PRKN: variants seen among roughly 807,000 people sequenced by gnomAD.
PRKN encodes the protein E3 ubiquitin-protein ligase parkin.
In PRKN, 56 loss-of-function variants were observed where a neutral mutation model predicts 59.5. That is an observed-to-expected ratio of 0.94 (90% CI 0.76 to 1.18). PRKN has a LOEUF of 1.18. Ranked by LOEUF, PRKN falls within the 50% of genes most tolerant of loss-of-function variation. The probability of loss-of-function intolerance (pLI) is 0.00; values close to 1 mark genes in which losing one functional copy is unlikely to be tolerated. For missense variants in PRKN, 657 were observed against 596.4 expected, an observed-to-expected ratio of 1.10 and a Z score of -1.06; for synonymous variants, 250 against 222.1, an observed-to-expected ratio of 1.13 and a Z score of -1.12.
chr6:161,684,155 G>C (rs1052477114), intron 7 of PRKN, among the ~76,000 whole-genome samples: 15 of 152,056 alleles, frequency 9.9e-5, no homozygotes, highest in African/African-American at 3.6e-4. Context: ...CTTGAAAGTG[G>C]TCTAAGATTG....
At chr6:161,387,584 A>G (rs1418885905) in intron 9 of PRKN, among the ~76,000 whole-genome samples, 1 of 152,272 alleles carries the variant, frequency 6.6e-6, no homozygotes, top group Non-Finnish European at 1.5e-5. Flanking sequence ...GAATGTAAGG[A>G]AAAAACTTCA....
chr6:162,094,310 C>T (rs1779637165), intron 4 of PRKN, among the ~76,000 whole-genome samples: 1 of 151,832 alleles, frequency 6.6e-6, no homozygotes, highest in Non-Finnish European at 1.5e-5. Context: ...GGCAACAAAG[C>T]GAGAGCCCAT....
At chr6:162,616,465 A>C (rs1200971519) in intron 1 of PRKN, among the ~76,000 whole-genome samples, 3 of 152,198 alleles carry the variant, frequency 2.0e-5, no homozygotes, top group African/African-American at 7.2e-5. Context: ...ATTTATAAAA[A>C]GAATAAAACT....
intron 10 of PRKN, among the ~76,000 whole-genome samples, chr6:161,375,742 T>C (rs947278996): frequency 5.3e-5 from 8 of 152,230 alleles, no homozygotes; most frequent in Admixed American, 2.6e-4. Context: ...ACAAGCTGAG[T>C]GCCTTGGAAA....
intron 1 of PRKN, among the ~76,000 whole-genome samples, chr6:162,528,715 T>C (rs1778389992): frequency 6.6e-6 from 1 of 151,896 alleles, no homozygotes; most frequent in Non-Finnish European, 1.5e-5. Context: ...ATTCTACGAG[T>C]CCTGAAGTTT....
At chr6:162,232,558 T>C (rs1583236273) in intron 3 of PRKN, among the ~76,000 whole-genome samples, 2 of 152,212 alleles carry the variant, frequency 1.3e-5, no homozygotes, top group Non-Finnish European at 2.9e-5. Context: ...AGGCATATAA[T>C]GGAGCAGCCG....
Position 161,455,042 on chromosome 6 carries a change from G to GTT in PRKN, c.1084-68167_1084-68166dup, listed in dbSNP as rs756139399. ...GTCAGTTTGGTTTAATTTGACACGT[G>GTT]TTTTTTTTTTTTTTGAGATGGAGTC... is the stretch of plus-strand genomic sequence containing the variant. On this transcript the variant is annotated intron_variant, in intron 9 of 11. Coordinates refer to ENST00000366898, the MANE Select transcript of PRKN (RefSeq NM_004562.3). Among the ~76,000 whole-genome samples the GTT allele has an allele frequency of 1.5e-3, 215 of 141,514 alleles. 1 individual carries two copies. Among genetic ancestry groups the GTT allele is most frequent in the African/African-American group, 3.9e-3 (153 of 38,928 alleles). The allele number at this position is 141,514 out of a possible 152,430, so 92.8% of individuals were successfully genotyped here.
intron 2 of PRKN, among the ~76,000 whole-genome samples, chr6:162,358,874 A>G (rs1015383462): frequency 2.0e-5 from 3 of 151,896 alleles, no homozygotes; most frequent in African/African-American, 7.3e-5. Flanking sequence ...AGCCTGGCCA[A>G]CATGGTGAAA....
chr6:162,429,507 C>A (rs997315460), intron 2 of PRKN, among the ~76,000 whole-genome samples: 10 of 152,092 alleles, frequency 6.6e-5, no homozygotes, highest in Non-Finnish European at 1.2e-4. Context: ...CCTGGAGATT[C>A]TACCCGGATT....
At chr6:162,052,347 T>G (rs1053270984) in intron 5 of PRKN, among the ~76,000 whole-genome samples, 14 of 152,146 alleles carry the variant, frequency 9.2e-5, no homozygotes, top group Non-Finnish European at 2.1e-4. Context: ...TCGTTTTGTT[T>G]TGTTTTTTTA....
chr6:162,679,771 G>C (rs569469716), intron 1 of PRKN, among the ~76,000 whole-genome samples: 50 of 152,230 alleles, frequency 3.3e-4, no homozygotes, highest in African/African-American at 1.0e-3. Context: ...CAATACCAAG[G>C]AAGGAAAAAC....
rs188481008 is a variant in PRKN at position 162,128,671 on chromosome 6, T to C, written c.534+72460A>G. On this transcript the variant is annotated intron_variant, in intron 4 of 11. Coordinates refer to ENST00000366898, the MANE Select transcript of PRKN (RefSeq NM_004562.3). ...ATGTATACCTCCCAAAATTTATATA[T>C]GGAAACCTAATCCCCAATGTGATAG... Among the ~76,000 whole-genome samples the C allele has an allele frequency of 8.8e-4, 134 of 152,308 alleles. 1 individual carries two copies. Among genetic ancestry groups the C allele is most frequent in the African/African-American group, 3.1e-3 (127 of 41,582 alleles).
In PRKN at chr6:161,430,125, G is replaced by A. The variant is rs368483307; in HGVS notation, c.1084-43248C>T. Among the ~76,000 whole-genome samples, 221 of 152,282 alleles carry A rather than the reference G, an allele frequency of 1.5e-3. 2 individuals are homozygous for A. Among genetic ancestry groups the A allele is most frequent in the African/African-American group, 5.0e-3 (209 of 41,534 alleles). On this transcript the variant is annotated intron_variant, in intron 9 of 11. Transcript: ENST00000366898. Reference sequence around the variant, plus strand: ...ATCTGAGTCTTTTATAATGGGCCGTGAGCAGGACTGCCATTGTCAACAGAG... The same window carrying A: ...ATCTGAGTCTTTTATAATGGGCCGTAAGCAGGACTGCCATTGTCAACAGAG...
At chr6:162,257,829 C>G (rs1779709675) in intron 3 of PRKN, among the ~76,000 whole-genome samples, 1 of 152,140 alleles carries the variant, frequency 6.6e-6, no homozygotes, top group South Asian at 2.1e-4. Context: ...AGTTCCTTCA[C>G]AAGCAGCCAG....
intron 4 of PRKN, among the ~76,000 whole-genome samples, chr6:162,173,652 C>T (rs889354854): frequency 6.6e-6 from 1 of 151,852 alleles, no homozygotes; most frequent in African/African-American, 2.4e-5. Flanking sequence ...AATTTGATGC[C>T]CTCATTTCCT....
intron 4 of PRKN, among the ~76,000 whole-genome samples, chr6:162,059,567 A>C (rs1432478884): frequency 6.6e-6 from 1 of 152,242 alleles, no homozygotes; most frequent in African/African-American, 2.4e-5. Context: ...AAAGGTCTTC[A>C]GATTAAAAAG....
chr6:162,198,756 T>C (rs4127461), intron 4 of PRKN, among the ~76,000 whole-genome samples: 138,894 of 151,840 alleles, frequency 0.91, 63,580 homozygotes, highest in East Asian at 0.99. Context: ...CTGTGAGCAT[T>C]TCTTAGGCTC....
At chr6:162,107,396 T>G (rs1463283577) in intron 4 of PRKN, among the ~76,000 whole-genome samples, 1 of 151,766 alleles carries the variant, frequency 6.6e-6, no homozygotes, top group Non-Finnish European at 1.5e-5. Flanking sequence ...ACGCAGGAGG[T>G]GGAGGTTGCA....
At chr6:161,517,387 G>T (rs1778648057) in intron 9 of PRKN, among the ~76,000 whole-genome samples, 1 of 151,994 alleles carries the variant, frequency 6.6e-6, no homozygotes, top group African/African-American at 2.4e-5. Flanking sequence ...GAATCTGTTG[G>T]TTTCATGGGG....
Sources: allele counts gnomAD v4.1 joint callset (sites outside exome capture counted in the v4.1 genomes callset), GRCh38; gene constraint gnomAD v4.1.1; transcripts MANE v1.5; gene names NCBI Gene and HGNC (gene_info 2026-07-23, HGNC 2026-07-21).